PAX3: variants seen among roughly 807,000 people sequenced by gnomAD.
PAX3 encodes paired box 3.
In PAX3, 14 loss-of-function variants were observed where a neutral mutation model predicts 51.6. That is an observed-to-expected ratio of 0.27 (90% CI 0.18 to 0.42). PAX3 has a LOEUF of 0.42. Among genes scored for constraint, PAX3 ranks in the 10% least tolerant of loss-of-function variants. The pLI is 1.00. For missense variants in PAX3, 540 were observed against 642.8 expected, an observed-to-expected ratio of 0.84 and a Z score of 1.73; for synonymous variants, 280 against 253.4, an observed-to-expected ratio of 1.11 and a Z score of -1.00.
intron 4 of PAX3, among the ~76,000 whole-genome samples, chr2:222,250,734 C>T (rs1693397286): frequency 6.6e-6 from 1 of 152,142 alleles, no homozygotes; most frequent in South Asian, 2.1e-4. Flanking sequence ...TGGCTTTATT[C>T]TCTTCTGAGA....
intron 4 of PAX3, among the ~76,000 whole-genome samples, chr2:222,257,545 C>T (rs116514994): frequency 7.9e-5 from 12 of 152,250 alleles, no homozygotes; most frequent in Admixed American, 3.9e-4. Context: ...GTTTTCCAGA[C>T]GTTATTTTAA....
intron 4 of PAX3, among the ~76,000 whole-genome samples, chr2:222,252,397 C>A (rs1693468914): frequency 6.6e-6 from 1 of 152,058 alleles, no homozygotes; most frequent in Admixed American, 6.5e-5. Context: ...TATTATTATA[C>A]CCCATTTTAC....
intron 4 of PAX3, among the ~76,000 whole-genome samples, chr2:222,240,211 C>A (rs962763442): frequency 2.6e-5 from 4 of 152,118 alleles, no homozygotes; most frequent in African/African-American, 9.7e-5. Context: ...CCGTGTGCTC[C>A]GTTGCTCCGG....
intron 7 of PAX3, among the ~76,000 whole-genome samples, chr2:222,209,788 G>GGCTT (rs2106049160): frequency 1.3e-5 from 2 of 149,376 alleles, no homozygotes; most frequent in South Asian, 4.3e-4. Flanking sequence ...GCTACTGGGG[G>GGCTT]GCTAAGGTAA....
chr2:222,298,314 C>T, intron 1 of PAX3: 2 of 587,926 alleles, frequency 3.4e-6, no homozygotes, highest in Non-Finnish European at 6.1e-6. Flanking sequence ...CAGGCCTGAC[C>T]GCCCAGCTCC....
rs188948825 is a variant in PAX3, at chr2:222,279,123, G to C, written c.586+15044C>G. 2.0e-4 allele frequency among the ~76,000 whole-genome samples: 30 copies of C among 152,240 alleles called. No individual in the cohort carries two copies. In the East Asian group the frequency reaches 5.8e-3, roughly 29 times the overall value. On this transcript the variant is annotated intron_variant, in intron 4 of 8. Transcript: ENST00000392070. ...CTGCCACCAAGCCTGGCTAATTTTT[G>C]TATTTTTAGTAGAGACGGGGCGGTT...
intron 7 of PAX3, among the ~76,000 whole-genome samples, chr2:222,216,723 C>CAG (rs1253720672): frequency 1.3e-3 from 190 of 149,258 alleles, no homozygotes; most frequent in African/African-American, 3.9e-3. Flanking sequence ...CACACACACA[C>CAG]ACAGAGAGAG....
intron 4 of PAX3, among the ~76,000 whole-genome samples, chr2:222,265,687 G>A (rs146717617): frequency 9.4e-6 from 1 of 106,636 alleles, no homozygotes; most frequent in African/African-American, 3.0e-5. Flanking sequence ...AGGAAGGAAG[G>A]AAGGGAGAAA....
intron 4 of PAX3, among the ~76,000 whole-genome samples, chr2:222,277,339 C>T (rs1027568324): frequency 6.6e-6 from 1 of 152,140 alleles, no homozygotes; most frequent in East Asian, 1.9e-4. Flanking sequence ...TTGAGATCCT[C>T]AGAAACAAAT....
In PAX3 at chr2:222,284,752, TC is replaced by T. The variant is rs201707740; in HGVS notation, c.586+9414del. ...ACTTTCTGAGTGTTCAGAGATTATT[TC>T]CCCCCCGACCAAGACTTTTGAGTTT... is the stretch of plus-strand genomic sequence containing the variant. On this transcript the variant is annotated intron_variant, in intron 4 of 8. Transcript: ENST00000392070. 9.2e-5 allele frequency among the ~76,000 whole-genome samples: 14 copies of T among 152,134 alleles called. No homozygotes were observed. In the South Asian group the frequency reaches 2.3e-3, roughly 25 times the overall value.
Position 222,298,588 on chromosome 2 carries a change from T to A in PAX3, c.28A>T (p.Arg10Trp). The stretch of plus-strand genomic sequence containing the variant: ...TGCCCCGGGCCCGGCCGCATCATCC[T>A]GGGCACAGCGCCGGCCAGCGTGGTC... Reference protein sequence around the residue: MTTLAGAVPRMMRPGPGQNY... With the variant: MTTLAGAVPWMMRPGPGQNY... The change falls in exon 1 of 9, where the codon AGG becomes TGG. Residue 10 changes from arginine (R) to tryptophan (W), a missense_variant. Arg to Trp is a moderately radical substitution (Grantham distance 101). Transcript: ENST00000392070. 6.2e-7 allele frequency: 1 copy of A among 1,608,586 alleles called. No homozygotes were observed. Among genetic ancestry groups the A allele is most frequent in the Non-Finnish European group, 8.5e-7 (1 of 1,177,882 alleles).
At position 222,220,371 on chromosome 2, in the gene PAX3, T is replaced by C. The variant is rs1203475937; in HGVS notation, c.959-17A>G. On this transcript the variant is annotated splice_polypyrimidine_tract_variant and intron_variant, in intron 6 of 8. Coordinates refer to ENST00000392070, the MANE Select transcript of PAX3 (RefSeq NM_181458.4). ...CTGACACAGCTGAAATGAAAAAGAT[T>C]GTCAACCATCATGTTTTCTTTTAGG... is the stretch of plus-strand genomic sequence containing the variant. The C allele has an allele frequency of 2.5e-6, 4 of 1,612,516 alleles. No homozygotes were observed. The South Asian group carries it at 3.3e-5, about 13-fold the overall frequency.
At chr2:222,227,309 T>C (rs1007312825) in intron 5 of PAX3, among the ~76,000 whole-genome samples, 36 of 152,168 alleles carry the variant, frequency 2.4e-4, no homozygotes, top group Non-Finnish European at 4.1e-4. Context: ...TCATAAATAT[T>C]TGGGCCAGAC....
chr2:222,226,453 G>A (rs116824804), intron 5 of PAX3, among the ~76,000 whole-genome samples: 207 of 152,182 alleles, frequency 1.4e-3, no homozygotes, highest in Non-Finnish European at 2.5e-3. Flanking sequence ...CATGTGAAAA[G>A]ACCATGGACA....
chr2:222,204,593 T>C (rs1691432606), intron 7 of PAX3, among the ~76,000 whole-genome samples: 1 of 152,162 alleles, frequency 6.6e-6, no homozygotes, highest in East Asian at 1.9e-4. Flanking sequence ...TGGGTGAGAT[T>C]GGACATGAAC....
At chr2:222,223,044 A>G (rs1295755494) in intron 5 of PAX3, among the ~76,000 whole-genome samples, 2 of 152,172 alleles carry the variant, frequency 1.3e-5, no homozygotes, top group African/African-American at 4.8e-5. Context: ...TTCCTTACAG[A>G]GCAATGTTAA....
chr2:222,288,404 T>C (rs1694910911), intron 4 of PAX3, among the ~76,000 whole-genome samples: 1 of 152,192 alleles, frequency 6.6e-6, no homozygotes, highest in East Asian at 1.9e-4. Context: ...TCCTAAATTA[T>C]AGAGGATTGG....
At chr2:222,218,732 T>C (rs929076488) in intron 7 of PAX3, among the ~76,000 whole-genome samples, 6 of 152,234 alleles carry the variant, frequency 3.9e-5, no homozygotes, top group African/African-American at 1.4e-4. Context: ...ATAAAATGTA[T>C]TAAAGTCCTG....
At chr2:222,272,383 C>T (rs1694284848) in intron 4 of PAX3, among the ~76,000 whole-genome samples, 1 of 152,192 alleles carries the variant, frequency 6.6e-6, no homozygotes, top group Non-Finnish European at 1.5e-5. Context: ...AAACAAATCT[C>T]TAGGAACAGA....
Sources: gnomAD v4.1 joint callset for allele counts (sites outside exome capture counted in the v4.1 genomes callset) on GRCh38, gnomAD v4.1.1 for gene constraint, MANE v1.5 for transcripts, NCBI Gene and HGNC (gene_info 2026-07-23, HGNC 2026-07-21) for gene names.